Variants in PTPRD observed in about 807,000 individuals in gnomAD.
The protein encoded by PTPRD is receptor-type tyrosine-protein phosphatase delta.
In PTPRD, 34 loss-of-function variants were observed where a neutral mutation model predicts 214.5. The observed-to-expected ratio is 0.16, with a 90% CI of 0.12 to 0.21. The LOEUF (loss-of-function observed/expected upper bound fraction) is 0.21. Among genes scored for constraint, PTPRD ranks in the 10% least tolerant of loss-of-function variants. The pLI, the probability that PTPRD is intolerant of heterozygous loss-of-function variation, is 1.00. For synonymous variants in PTPRD, 1,128 were observed against 845.7 expected (o/e 1.33, Z -5.79); for missense variants, 2,545 against 2,398.7 (o/e 1.06, Z -1.27).
intron 3 of PTPRD, among the ~76,000 whole-genome samples, chr9:10,058,426 C>T (rs530845835): frequency 4.3e-4 from 66 of 152,080 alleles, no homozygotes; most frequent in African/African-American, 1.5e-3. Flanking sequence ...CTTGCAATTG[C>T]TACTTATCAA....
chr9:9,362,359 G>A (rs2056477667), intron 9 of PTPRD, among the ~76,000 whole-genome samples: 1 of 150,936 alleles, frequency 6.6e-6, no homozygotes, highest in Non-Finnish European at 1.5e-5. Context: ...CATACGTAAG[G>A]TTTTGCCTCA....
chr9:10,329,426 T>C (rs2096708898), intron 3 of PTPRD, among the ~76,000 whole-genome samples: 1 of 151,874 alleles, frequency 6.6e-6, no homozygotes, highest in African/African-American at 2.4e-5. Context: ...TAAAAAGTTA[T>C]TGTATGTTTT....
At chr9:9,853,891 T>A (rs2061033796) in intron 5 of PTPRD, among the ~76,000 whole-genome samples, 1 of 152,212 alleles carries the variant, frequency 6.6e-6, no homozygotes, top group African/African-American at 2.4e-5. Context: ...TAATTGTACA[T>A]ATTTAATGGG....
intron 3 of PTPRD, among the ~76,000 whole-genome samples, chr9:10,331,499 G>A (rs574354972): frequency 2.0e-5 from 3 of 151,910 alleles, no homozygotes; most frequent in East Asian, 1.9e-4. Context: ...GTTTTAACTA[G>A]TCTTGAAGTG....
At chr9:8,918,107 C>T (rs1264060305) in intron 11 of PTPRD, among the ~76,000 whole-genome samples, 1 of 152,170 alleles carries the variant, frequency 6.6e-6, no homozygotes, top group Non-Finnish European at 1.5e-5. Flanking sequence ...GCTAATCACA[C>T]TCACCTGCTC....
At chr9:8,381,848 A>G (rs2085192228) in intron 37 of PTPRD, among the ~76,000 whole-genome samples, 1 of 152,200 alleles carries the variant, frequency 6.6e-6, no homozygotes, top group Non-Finnish European at 1.5e-5. Flanking sequence ...TTCCCCCATT[A>G]AACTGAAAGT....
chr9:9,202,862 C>G (rs182261504), intron 9 of PTPRD, among the ~76,000 whole-genome samples: 1 of 152,244 alleles, frequency 6.6e-6, no homozygotes, highest in East Asian at 1.9e-4. Context: ...TCTAACTGTT[C>G]TTTAGTCCGC....
chr9:8,365,240 T>A (rs763881065), intron 39 of PTPRD, among the ~76,000 whole-genome samples: 3 of 152,100 alleles, frequency 2.0e-5, no homozygotes, highest in Non-Finnish European at 4.4e-5. Flanking sequence ...TGAATCATAG[T>A]CCTGTTTCTG....
intron 33 of PTPRD, among the ~76,000 whole-genome samples, chr9:8,456,489 C>T (rs1380102045): frequency 2.0e-5 from 3 of 152,054 alleles, no homozygotes; most frequent in Non-Finnish European, 4.4e-5. Flanking sequence ...CTAGGGAGGG[C>T]CTACTCAGAA....
At chr9:8,456,732 G>T (rs1413305009) in intron 33 of PTPRD, among the ~76,000 whole-genome samples, 1 of 152,010 alleles carries the variant, frequency 6.6e-6, no homozygotes, top group Admixed American at 6.5e-5. Flanking sequence ...CTAGCTCATG[G>T]TTTCCACATC....
chr9:10,596,449 T>C (rs989029351), intron 2 of PTPRD, among the ~76,000 whole-genome samples: 10 of 151,728 alleles, frequency 6.6e-5, no homozygotes, highest in Admixed American at 2.0e-4. Flanking sequence ...ATTATGAAGG[T>C]ATATTTTGTT....
chr9:9,186,410 A>G (rs1289542840), intron 9 of PTPRD, among the ~76,000 whole-genome samples: 3 of 152,070 alleles, frequency 2.0e-5, no homozygotes, highest in African/African-American at 4.8e-5. Context: ...GTATATGTTC[A>G]TGAAGCCTGG....
intron 7 of PTPRD, among the ~76,000 whole-genome samples, chr9:9,718,957 G>A (rs73390985): frequency 0.052 from 7,865 of 152,200 alleles, 601 homozygotes; most frequent in African/African-American, 0.17. Flanking sequence ...TGGGTCCCTG[G>A]TGAAACCCAC....
At chr9:9,692,005 A>G (rs2097280674) in intron 7 of PTPRD, among the ~76,000 whole-genome samples, 1 of 152,006 alleles carries the variant, frequency 6.6e-6, no homozygotes, top group South Asian at 2.1e-4. Context: ...TTTGAACTCC[A>G]TATATACTCT....
At chr9:8,478,647 C>G (rs2096817356) in intron 30 of PTPRD, among the ~76,000 whole-genome samples, 1 of 152,152 alleles carries the variant, frequency 6.6e-6, no homozygotes, top group Admixed American at 6.5e-5. Flanking sequence ...GCATTCTGCT[C>G]CCCAAATCTA....
intron 9 of PTPRD, among the ~76,000 whole-genome samples, chr9:9,205,966 G>A (rs1250334376): frequency 6.6e-6 from 1 of 152,192 alleles, no homozygotes; most frequent in Non-Finnish European, 1.5e-5. Flanking sequence ...ATAGCAGAGG[G>A]TGGGGTTATT....
At chr9:10,553,780 T>C (rs1311536353) in intron 2 of PTPRD, among the ~76,000 whole-genome samples, 1 of 152,218 alleles carries the variant, frequency 6.6e-6, no homozygotes, top group African/African-American at 2.4e-5. Flanking sequence ...ATAATGTTTA[T>C]AGTGTTTTAA....
intron 7 of PTPRD, among the ~76,000 whole-genome samples, chr9:9,686,213 C>A (rs2097164499): frequency 6.6e-6 from 1 of 151,214 alleles, no homozygotes; most frequent in Non-Finnish European, 1.5e-5. Flanking sequence ...TTCATTCATT[C>A]AGATGTTGTA....
chr9:9,949,493 A>T (rs904733469), intron 4 of PTPRD, among the ~76,000 whole-genome samples: 1 of 151,998 alleles, frequency 6.6e-6, no homozygotes, highest in Admixed American at 6.6e-5. Flanking sequence ...TCATGTGGAT[A>T]CTTCTTCTTT....
Sources: allele counts gnomAD v4.1 joint callset (sites outside exome capture counted in the v4.1 genomes callset), GRCh38; gene constraint gnomAD v4.1.1; transcripts MANE v1.5; gene names NCBI Gene and HGNC (gene_info 2026-07-23, HGNC 2026-07-21).